The following ATRNL1 variants were observed in gnomAD, a reference collection of about 807,000 sequenced individuals.
The protein encoded by ATRNL1 is attractin-like protein 1.
In ATRNL1, 95 loss-of-function variants were observed where a neutral mutation model predicts 182.7. That is an observed-to-expected ratio of 0.52 (90% CI 0.44 to 0.62). The LOEUF is 0.62. ATRNL1 is among the 20% of genes least tolerant of loss of function. ATRNL1 has a pLI of 0.00. For synonymous variants in ATRNL1, 576 were observed against 568.3 expected (o/e 1.01, Z -0.19); for missense variants, 1,471 against 1,679.5 (o/e 0.88, Z 2.17).
At chr10:115,539,515 C>T (rs1172615578) in intron 25 of ATRNL1, among the ~76,000 whole-genome samples, 4 of 152,154 alleles carry the variant, frequency 2.6e-5, no homozygotes, top group African/African-American at 9.7e-5. Context: ...TTTAGTGCCC[C>T]CTGACCTGAA....
At chr10:115,660,764 C>T (rs914447893) in intron 26 of ATRNL1, among the ~76,000 whole-genome samples, 2 of 151,828 alleles carry the variant, frequency 1.3e-5, no homozygotes, top group Non-Finnish European at 2.9e-5. Flanking sequence ...GTATTTTTTT[C>T]CCTGAAAGAG....
At chr10:115,179,763 A>G (rs936757491) in intron 8 of ATRNL1, among the ~76,000 whole-genome samples, 3 of 152,142 alleles carry the variant, frequency 2.0e-5, no homozygotes, top group African/African-American at 7.2e-5. Flanking sequence ...TAAACATTTC[A>G]GAATAGCATG....
chr10:115,200,856 T>TTGG, intron 8 of ATRNL1, among the ~76,000 whole-genome samples: 1 of 148,554 alleles, frequency 6.7e-6, no homozygotes, highest in Non-Finnish European at 1.5e-5. Flanking sequence ...AGTGTAAAAG[T>TTGG]GTTCCTATTT....
At chr10:115,156,917 G>T (rs1036913114) in intron 5 of ATRNL1, among the ~76,000 whole-genome samples, 16 of 152,102 alleles carry the variant, frequency 1.1e-4, no homozygotes, top group African/African-American at 3.4e-4. Flanking sequence ...TTGATGTCAT[G>T]GAGGTAGAGT....
chr10:115,437,522 T>A (rs1263069785), intron 21 of ATRNL1, among the ~76,000 whole-genome samples: 1 of 152,024 alleles, frequency 6.6e-6, no homozygotes, highest in Non-Finnish European at 1.5e-5. Flanking sequence ...ATACTTGTAC[T>A]TTTATTCACA....
intron 8 of ATRNL1, among the ~76,000 whole-genome samples, chr10:115,186,786 CTA>C (rs1320330410): frequency 1.3e-5 from 2 of 151,772 alleles, no homozygotes; most frequent in Non-Finnish European, 2.9e-5. Context: ...ACAACAGTGA[CTA>C]TAGTGAACAA....
At chr10:115,362,456 T>G (rs11197183) in intron 19 of ATRNL1, among the ~76,000 whole-genome samples, 1,835 of 152,208 alleles carry the variant, frequency 0.012, 33 homozygotes, top group East Asian at 0.089. Context: ...CTAACATACT[T>G]ATGATTTTTT....
chr10:115,789,940 G>A (rs575467295), intron 27 of ATRNL1, among the ~76,000 whole-genome samples: 1 of 152,160 alleles, frequency 6.6e-6, no homozygotes, highest in African/African-American at 2.4e-5. Flanking sequence ...CATGATTGAA[G>A]GATAGTGAAG....
At chr10:115,328,910 C>T (rs1275156723) in intron 18 of ATRNL1, among the ~76,000 whole-genome samples, 1 of 152,044 alleles carries the variant, frequency 6.6e-6, no homozygotes, top group Non-Finnish European at 1.5e-5. Flanking sequence ...GTGTGTAGTG[C>T]TGCAATATAT....
chr10:115,890,707 G>C (rs1952058900), intron 28 of ATRNL1, among the ~76,000 whole-genome samples: 1 of 152,124 alleles, frequency 6.6e-6, no homozygotes, highest in Non-Finnish European at 1.5e-5. Context: ...ATAAACTTTA[G>C]GTCCTAAGAA....
At chr10:115,622,694 G>A (rs961473086) in intron 26 of ATRNL1, among the ~76,000 whole-genome samples, 4 of 152,152 alleles carry the variant, frequency 2.6e-5, no homozygotes, top group African/African-American at 7.2e-5. Flanking sequence ...TTGGGAGGCC[G>A]AGGCAGGTGG....
chr10:115,511,268 A>G (rs1362530945), intron 24 of ATRNL1, among the ~76,000 whole-genome samples: 1 of 151,948 alleles, frequency 6.6e-6, no homozygotes, highest in Non-Finnish European at 1.5e-5. Context: ...AGTAACAGCT[A>G]ATTTAATCTC....
chr10:115,183,311 A>G (rs1475235933), intron 8 of ATRNL1, among the ~76,000 whole-genome samples: 2 of 151,616 alleles, frequency 1.3e-5, no homozygotes, highest in Non-Finnish European at 3.0e-5. Flanking sequence ...AAAAAGCTAG[A>G]AAAAGAATAG....
chr10:115,245,248 C>A (rs1228608532), intron 10 of ATRNL1, among the ~76,000 whole-genome samples: 1 of 151,906 alleles, frequency 6.6e-6, no homozygotes, highest in Non-Finnish European at 1.5e-5. Flanking sequence ...CCTGTAATCC[C>A]ACCACTTTGG....
chr10:115,642,812 T>C (rs997136229), intron 26 of ATRNL1, among the ~76,000 whole-genome samples: 3 of 152,198 alleles, frequency 2.0e-5, no homozygotes, highest in African/African-American at 7.2e-5. Context: ...GGAACTAAAA[T>C]AGCCTGAGCA....
At chr10:115,187,684 T>TTTTTTC (rs1847998338) in intron 8 of ATRNL1, among the ~76,000 whole-genome samples, 1 of 149,100 alleles carries the variant, frequency 6.7e-6, no homozygotes, top group Non-Finnish European at 1.5e-5. Flanking sequence ...TTTTTTTTTT[T>TTTTTTC]TTTTTTCTTT....
chr10:115,763,540 G>C (rs1555074213), intron 27 of ATRNL1, among the ~76,000 whole-genome samples: 6 of 152,148 alleles, frequency 3.9e-5, no homozygotes. Flanking sequence ...GGTTGGCCTA[G>C]TTGTGACATG....
In ATRNL1 at chr10:115,127,854, C is replaced by A. The variant is rs1222500204; in HGVS notation, c.620+133C>A. ...CCGTGTTAAATTTCAAATTAGTAGGCAGGATCCCTTCTTAAGTGACATAAA... is the reference window on the plus strand; with the variant it reads ...CCGTGTTAAATTTCAAATTAGTAGGAAGGATCCCTTCTTAAGTGACATAAA... On this transcript the variant is annotated intron_variant, in intron 4 of 28. Transcript: ENST00000355044. The A allele has an allele frequency of 2.2e-5, 12 of 557,080 alleles. No individual in the cohort carries two copies. The East Asian group carries it at 2.5e-4, about 11-fold the overall frequency. 34.5% of individuals were successfully genotyped at this position (557,080 alleles called of 1,614,324 possible).
intron 8 of ATRNL1, 47 bp downstream of exon 8, chr10:115,171,339 T>A (rs782545434): frequency 6.8e-7 from 1 of 1,464,302 alleles, no homozygotes; most frequent in South Asian, 1.4e-5. Flanking sequence ...GGGAATGTTT[T>A]TCTCTTTAAT....
Sources: allele counts gnomAD v4.1 joint callset (sites outside exome capture counted in the v4.1 genomes callset), GRCh38; gene constraint gnomAD v4.1.1; transcripts MANE v1.5; gene names NCBI Gene and HGNC (gene_info 2026-07-23, HGNC 2026-07-21).